Variants in CCBE1 observed in about 807,000 individuals in gnomAD.
The protein encoded by CCBE1 is collagen and calcium-binding EGF domain-containing protein 1.
Under a neutral mutation model 50.0 loss-of-function variants are expected in CCBE1, and 37 were observed. That is an observed-to-expected ratio of 0.74 (90% CI 0.57 to 0.97). The LOEUF is 0.97. Ranked by LOEUF, CCBE1 falls within the 50% of genes least tolerant of loss-of-function variation. CCBE1 has a pLI of 0.00. For missense variants in CCBE1, 538 were observed against 523.8 expected (o/e 1.03, Z -0.26); for synonymous variants, 234 against 203.7 (o/e 1.15, Z -1.27).
intron 5 of CCBE1, chr18:59,455,234 C>T (rs144357523): frequency 9.9e-6 from 5 of 506,740 alleles, no homozygotes; most frequent in South Asian, 2.0e-5. Flanking sequence ...TGTGAAAATG[C>T]GTACCATGGC....
chr18:59,584,931 T>A (rs1298842013), intron 2 of CCBE1, among the ~76,000 whole-genome samples: 1 of 152,186 alleles, frequency 6.6e-6, no homozygotes, highest in Non-Finnish European at 1.5e-5. Flanking sequence ...AAGACAAGTT[T>A]GATTCTATGA....
chr18:59,592,316 G>A (rs1472503168), intron 2 of CCBE1, among the ~76,000 whole-genome samples: 1 of 152,150 alleles, frequency 6.6e-6, no homozygotes, highest in Non-Finnish European at 1.5e-5. Context: ...TTAGACTTGG[G>A]TCCTAGCCCC....
chr18:59,578,785 C>T (rs2053039989), intron 2 of CCBE1, among the ~76,000 whole-genome samples: 1 of 152,082 alleles, frequency 6.6e-6, no homozygotes, highest in Non-Finnish European at 1.5e-5. Flanking sequence ...GTATCACACA[C>T]CAGGGCCCGT....
chr18:59,551,045 GAA>G (rs1245706285), intron 2 of CCBE1, among the ~76,000 whole-genome samples: 2 of 108,116 alleles, frequency 1.8e-5, no homozygotes, highest in African/African-American at 6.6e-5. Context: ...GAAAAGAAAA[GAA>G]AAAAAAGAAA....
At chr18:59,445,388 G>C (rs1910624870) in intron 7 of CCBE1, among the ~76,000 whole-genome samples, 1 of 152,158 alleles carries the variant, frequency 6.6e-6, no homozygotes, top group Admixed American at 6.5e-5. Context: ...TTTTTACTAA[G>C]TGATTGCATT....
At chr18:59,649,222 A>C (rs1479943694) in intron 2 of CCBE1, among the ~76,000 whole-genome samples, 1 of 152,198 alleles carries the variant, frequency 6.6e-6, no homozygotes. Context: ...AGATCTGCGC[A>C]CTGCCCCTTG....
At chr18:59,546,327 C>G (rs373356571) in intron 2 of CCBE1, among the ~76,000 whole-genome samples, 13 of 152,326 alleles carry the variant, frequency 8.5e-5, no homozygotes, top group African/African-American at 2.9e-4. Flanking sequence ...ATGAATCACC[C>G]CTCATATTCA....
chr18:59,613,463 G>C (rs1257374218), intron 2 of CCBE1, among the ~76,000 whole-genome samples: 3 of 152,166 alleles, frequency 2.0e-5, no homozygotes, highest in African/African-American at 7.2e-5. Context: ...TTACAAATCT[G>C]ATTCTATGTA....
At chr18:59,481,536 G>A (rs935585563) in intron 2 of CCBE1, among the ~76,000 whole-genome samples, 1 of 152,190 alleles carries the variant, frequency 6.6e-6, no homozygotes, top group South Asian at 2.1e-4. Context: ...TCATGGTCAC[G>A]CTGCTGAAAC....
chr18:59,432,120 A>AT lies in CCBE1; in HGVS notation c.*3787dup, dbSNP rs886054043. 216 of 149,826 alleles carry AT rather than the reference A, an allele frequency of 1.4e-3. 1 individual carries two copies. The highest frequency in any genetic ancestry group is 8.4e-3 in the East Asian group (43 of 5,104). 9.3% of individuals were successfully genotyped at this position (149,826 alleles called of 1,614,324 possible). On this transcript the variant is annotated 3_prime_UTR_variant, in exon 11 of 11. Transcript: ENST00000439986. ...AGGCGTGCACCACCACGCCTGGCTA[A>AT]TTTTTTTTTTTATTTATTTTAGTAG... is the stretch of plus-strand genomic sequence containing the variant.
chr18:59,442,795 G>A (rs563108709), intron 7 of CCBE1, among the ~76,000 whole-genome samples: 1 of 152,232 alleles, frequency 6.6e-6, no homozygotes, highest in African/African-American at 2.4e-5. Flanking sequence ...TCCTGACTCT[G>A]GTTTGAAATA....
chr18:59,622,476 C>G (rs1463982263), intron 2 of CCBE1, among the ~76,000 whole-genome samples: 17 of 144,518 alleles, frequency 1.2e-4, no homozygotes, highest in Non-Finnish European at 2.1e-4. Flanking sequence ...TGCCCTCCAG[C>G]CTGGGCGACA....
At chr18:59,483,192 TA>T (rs1250886517) in intron 2 of CCBE1, among the ~76,000 whole-genome samples, 3 of 152,186 alleles carry the variant, frequency 2.0e-5, no homozygotes, top group African/African-American at 7.2e-5. Context: ...GTAGGTTACA[TA>T]AGGTCTTCTA....
In CCBE1 at chr18:59,680,782, T is replaced by C. The variant is rs143459347; in HGVS notation, c.212+15847A>G. ...TGCAGTGGAGATTCCCTTTCATCCA[T>C]CAGGTTACAAACCCAGCCTTAACTA... On this transcript the variant is annotated intron_variant, in intron 2 of 10. Coordinates refer to ENST00000439986, the MANE Select transcript of CCBE1 (RefSeq NM_133459.4). Among the ~76,000 whole-genome samples, 11 of 152,118 alleles carry C rather than the reference T, an allele frequency of 7.2e-5. 1 individual carries two copies. In the East Asian group the frequency reaches 2.1e-3, roughly 29 times the overall value.
chr18:59,567,413 C>T (rs1298932126), intron 2 of CCBE1, among the ~76,000 whole-genome samples: 3 of 152,278 alleles, frequency 2.0e-5, no homozygotes, highest in South Asian at 2.1e-4. Context: ...GGATTACAGG[C>T]GTGAGCCACT....
intron 2 of CCBE1, among the ~76,000 whole-genome samples, chr18:59,648,599 G>T (rs1242742105): frequency 1.3e-5 from 2 of 152,210 alleles, no homozygotes; most frequent in Non-Finnish European, 2.9e-5. Flanking sequence ...CTAGTCAGGA[G>T]GGTGAGGTAC....
chr18:59,670,236 A>C (rs895816215), intron 2 of CCBE1, among the ~76,000 whole-genome samples: 1 of 152,222 alleles, frequency 6.6e-6, no homozygotes, highest in African/African-American at 2.4e-5. Context: ...AATTATAATA[A>C]AAACTTGTGG....
chr18:59,473,667 G>T (rs201409017), intron 3 of CCBE1, among the ~76,000 whole-genome samples: 95 of 20,730 alleles, frequency 4.6e-3, no homozygotes, highest in East Asian at 8.7e-3. Flanking sequence ...CACTATTTCC[G>T]CCCTCCACTA....
chr18:59,673,532 T>A (rs1048342147), intron 2 of CCBE1, among the ~76,000 whole-genome samples: 2 of 152,216 alleles, frequency 1.3e-5, no homozygotes, highest in African/African-American at 4.8e-5. Flanking sequence ...TGGAACATAG[T>A]AAGTGCTCGG....
Sources: allele counts gnomAD v4.1 joint callset (sites outside exome capture counted in the v4.1 genomes callset), GRCh38; gene constraint gnomAD v4.1.1; transcripts MANE v1.5; gene names NCBI Gene and HGNC (gene_info 2026-07-23, HGNC 2026-07-21).